Variants in ASTN2 observed in about 807,000 individuals in gnomAD.
ASTN2 encodes astrotactin-2.
Under a neutral mutation model 139.8 loss-of-function variants are expected in ASTN2, and 54 were observed. That is an observed-to-expected ratio of 0.39 (90% CI 0.31 to 0.48). ASTN2 has a LOEUF of 0.48. ASTN2 is among the 20% of genes least tolerant of loss of function. The pLI, the probability that ASTN2 is intolerant of heterozygous loss-of-function variation, is 0.95. For synonymous variants in ASTN2, 756 were observed against 719.5 expected, an observed-to-expected ratio of 1.05 and a Z score of -0.81; for missense variants, 1,565 against 1,725.1, an observed-to-expected ratio of 0.91 and a Z score of 1.64.
At chr9:117,342,682 A>G (rs918614884) in intron 1 of ASTN2, among the ~76,000 whole-genome samples, 1 of 152,162 alleles carries the variant, frequency 6.6e-6, no homozygotes, top group Non-Finnish European at 1.5e-5. Context: ...TTAACACGCA[A>G]TATTACCATT....
intron 10 of ASTN2, among the ~76,000 whole-genome samples, chr9:116,906,854 G>A (rs968990825): frequency 3.3e-5 from 5 of 152,106 alleles, no homozygotes; most frequent in Non-Finnish European, 7.4e-5. Context: ...CTAATACCTT[G>A]AAGTTAGAGT....
Position 116,698,982 on chromosome 9 carries a change from A to T in ASTN2, c.2806+26789T>A. The T allele has an allele frequency of 1.2e-6, 2 of 1,614,170 alleles. No individual in the cohort carries two copies. Among genetic ancestry groups the T allele is most frequent in the Non-Finnish European group, 1.7e-6 (2 of 1,180,026 alleles). ...GGAAATCCGCCGCAGCCCCAGTGGCATTGATAGCTTTGTGCTAAGCTTCCT... is the reference window on the plus strand; with the variant it reads ...GGAAATCCGCCGCAGCCCCAGTGGCTTTGATAGCTTTGTGCTAAGCTTCCT... On this transcript the variant is annotated intron_variant, in intron 16 of 22. Transcript: ENST00000313400. This position sits in a 1 kb window ranked among gnomAD's most constrained non-coding sequence, Gnocchi z 4.4.
At position 117,380,967 on chromosome 9, in the gene ASTN2, G is replaced by A. The variant is rs556269833; in HGVS notation, c.442+33530C>T. On this transcript the variant is annotated intron_variant, in intron 1 of 22. Transcript: ENST00000313400. Reference sequence around the variant, plus strand: ...AACTTGTACACAAATGTTTATAGAGGCATTATTCACGATAACCAAAAAGTG... The same window carrying A: ...AACTTGTACACAAATGTTTATAGAGACATTATTCACGATAACCAAAAAGTG... 4.6e-5 allele frequency among the ~76,000 whole-genome samples: 7 copies of A among 152,234 alleles called. No individual in the cohort carries two copies. In the South Asian group the frequency reaches 8.3e-4, roughly 18 times the overall value.
At position 116,423,431 on chromosome 9, in the gene ASTN2, T is replaced by A. The variant is rs544172436; in HGVS notation, c.*2420A>T. Among the ~76,000 whole-genome samples the A allele has an allele frequency of 1.3e-5, 2 of 152,240 alleles. No homozygotes were observed. The highest frequency in any genetic ancestry group is 3.9e-4 in the East Asian group (2 of 5,162). ...AGATTCAAACTTAATCAGGCTCAGA[T>A]CACCACACCAGCACATTGAGTGCTG... On this transcript the variant is annotated 3_prime_UTR_variant, in exon 23 of 23. Transcript: ENST00000313400.
At chr9:116,721,943 G>A (rs974270168) in intron 16 of ASTN2, among the ~76,000 whole-genome samples, 2 of 152,132 alleles carry the variant, frequency 1.3e-5, no homozygotes, top group Non-Finnish European at 2.9e-5. Flanking sequence ...TCCTTTCTGT[G>A]TCTAGAATAG....
chr9:117,367,175 T>G (rs560059360), intron 1 of ASTN2, among the ~76,000 whole-genome samples: 1 of 152,310 alleles, frequency 6.6e-6, no homozygotes, highest in Admixed American at 6.5e-5. Flanking sequence ...GTGTGCTGTT[T>G]TGTGGCAACA....
At chr9:117,372,867 G>C (rs1385373093) in intron 1 of ASTN2, among the ~76,000 whole-genome samples, 1 of 152,080 alleles carries the variant, frequency 6.6e-6, no homozygotes, top group African/African-American at 2.4e-5. Context: ...AAGCACATTG[G>C]AACAAAGAGG....
chr9:116,490,849 G>A (rs1849498616), intron 19 of ASTN2, among the ~76,000 whole-genome samples: 1 of 152,184 alleles, frequency 6.6e-6, no homozygotes, highest in African/African-American at 2.4e-5. Context: ...ATTTGGGTGA[G>A]GGTACAGCCA....
Position 116,950,141 on chromosome 9 carries a change from G to C in ASTN2, c.1889+25067C>G, listed in dbSNP as rs371029206. Among the ~76,000 whole-genome samples, 39 of 152,262 alleles carry C rather than the reference G, an allele frequency of 2.6e-4. No homozygotes were observed. The East Asian group carries it at 4.1e-3, about 16-fold the overall frequency. ...AATCTTGCCAGCATTGGTATTTTGG[G>C]TAAAATAATTCTTTGTTGTATTGTT... On this transcript the variant is annotated intron_variant, in intron 10 of 22. Coordinates refer to ENST00000313400, the MANE Select transcript of ASTN2 (RefSeq NM_001365068.1).
chr9:116,769,232 C>A (rs1468982959), intron 13 of ASTN2, among the ~76,000 whole-genome samples: 1 of 152,110 alleles, frequency 6.6e-6, no homozygotes, highest in Non-Finnish European at 1.5e-5. Flanking sequence ...AATGAGTAAA[C>A]AATGGTGCTA....
At chr9:117,128,371 C>CAAAAA (rs1167187783) in intron 4 of ASTN2, among the ~76,000 whole-genome samples, 6 of 66,442 alleles carry the variant, frequency 9.0e-5, no homozygotes, top group African/African-American at 3.5e-4. Flanking sequence ...GACACTGTCT[C>CAAAAA]AAAAAAAAAA....
Position 116,698,601 on chromosome 9 carries a change from G to T in ASTN2, c.2806+27170C>A, listed in dbSNP as rs1309517791. ...GGAGCTCCTTAAGGTAGGTCATGTT[G>T]GCCCCCTCCAAATTGGACAAGCTGT... On this transcript the variant is annotated intron_variant, in intron 16 of 22. Coordinates refer to ENST00000313400, the MANE Select transcript of ASTN2 (RefSeq NM_001365068.1). The surrounding 1 kb of genome is among the most constrained non-coding windows in gnomAD (Gnocchi z 4.4). 1.2e-6 allele frequency: 2 copies of T among 1,614,070 alleles called. No homozygotes were observed. The highest frequency in any genetic ancestry group is 1.7e-5 in the Admixed American group (1 of 60,018).
At chr9:116,987,497 G>C (rs1836722871) in intron 7 of ASTN2, among the ~76,000 whole-genome samples, 1 of 152,120 alleles carries the variant, frequency 6.6e-6, no homozygotes. Flanking sequence ...GATTGTGCTT[G>C]TTTTCCCTTC....
intron 3 of ASTN2, among the ~76,000 whole-genome samples, chr9:117,208,845 C>T (rs1332382920): frequency 1.3e-5 from 2 of 152,164 alleles, no homozygotes; most frequent in African/African-American, 4.8e-5. Context: ...AAGGAAATAA[C>T]TGTCAGTCAG....
intron 13 of ASTN2, among the ~76,000 whole-genome samples, chr9:116,770,681 A>G (rs1829932936): frequency 6.6e-6 from 1 of 152,164 alleles, no homozygotes; most frequent in Non-Finnish European, 1.5e-5. Flanking sequence ...GCTTCTTTCC[A>G]GTACTCTCCT....
At chr9:116,606,914 A>G (rs1855237831) in intron 19 of ASTN2, among the ~76,000 whole-genome samples, 1 of 152,172 alleles carries the variant, frequency 6.6e-6, no homozygotes, top group African/African-American at 2.4e-5. Flanking sequence ...GGTTTTCCCA[A>G]GTCCATATTT....
intron 4 of ASTN2, among the ~76,000 whole-genome samples, chr9:117,108,438 A>AACACACACACACACACACACACAC (rs3041147): frequency 0.016 from 2,287 of 145,228 alleles, 38 homozygotes; most frequent in Non-Finnish European, 0.022. Flanking sequence ...AACAAAACAA[A>AACACACACACACACACACACACAC]ACACACACAC....
intron 2 of ASTN2, among the ~76,000 whole-genome samples, chr9:117,220,425 G>T (rs535080115): frequency 7.2e-5 from 11 of 152,204 alleles, no homozygotes; most frequent in African/African-American, 2.6e-4. Context: ...TCACTCACTC[G>T]ACCTGGAATC....
intron 16 of ASTN2, among the ~76,000 whole-genome samples, chr9:116,687,677 G>T (rs1860337450): frequency 6.6e-6 from 1 of 151,934 alleles, no homozygotes; most frequent in Non-Finnish European, 1.5e-5. Context: ...TAATGTCGGG[G>T]CCCTGAGGAG....
Sources: allele counts gnomAD v4.1 joint callset (sites outside exome capture counted in the v4.1 genomes callset), GRCh38; gene constraint gnomAD v4.1.1; non-coding constraint Gnocchi (gnomAD v3.1); transcripts MANE v1.5; gene names NCBI Gene and HGNC (gene_info 2026-07-23, HGNC 2026-07-21).